Variants in RBMS1 observed in about 807,000 individuals in gnomAD.
The protein encoded by RBMS1 is RNA binding motif single stranded interacting protein 1.
Under a neutral mutation model 62.3 loss-of-function variants are expected in RBMS1, and 17 were observed. That is an observed-to-expected ratio of 0.27 (90% CI 0.19 to 0.41). The LOEUF is 0.41. RBMS1 is among the 10% of genes least tolerant of loss of function. The probability of loss-of-function intolerance (pLI) is 1.00; values close to 1 mark genes in which losing one functional copy is unlikely to be tolerated. For missense variants in RBMS1, 334 were observed against 504.5 expected, an observed-to-expected ratio of 0.66 and a Z score of 3.24; for synonymous variants, 172 against 170.0, an observed-to-expected ratio of 1.01 and a Z score of -0.09.
chr2:160,321,670 C>T (rs1690568514), intron 2 of RBMS1, among the ~76,000 whole-genome samples: 1 of 152,166 alleles, frequency 6.6e-6, no homozygotes, highest in Non-Finnish European at 1.5e-5. Flanking sequence ...CCCTGTCTCT[C>T]TCCATATCTC....
At chr2:160,481,883 T>G (rs1278714237) in intron 1 of RBMS1, among the ~76,000 whole-genome samples, 1 of 152,172 alleles carries the variant, frequency 6.6e-6, no homozygotes, top group Non-Finnish European at 1.5e-5. Flanking sequence ...GCAATTAGAT[T>G]TCTCATGCCT....
chr2:160,407,797 T>C (rs1446095029), intron 1 of RBMS1: 24 of 981,082 alleles, frequency 2.4e-5, no homozygotes, highest in Non-Finnish European at 2.9e-5. Flanking sequence ...CTGCGTGCCA[T>C]GGACGGGAGT....
chr2:160,395,859 C>CA (rs1191083464), intron 1 of RBMS1, among the ~76,000 whole-genome samples: 1 of 152,148 alleles, frequency 6.6e-6, no homozygotes, highest in African/African-American at 2.4e-5. Context: ...AGAATGATCA[C>CA]AATTTTCTTC....
At chr2:160,464,061 C>G (rs1318518240) in intron 1 of RBMS1, among the ~76,000 whole-genome samples, 2 of 152,160 alleles carry the variant, frequency 1.3e-5, no homozygotes, top group African/African-American at 4.8e-5. Flanking sequence ...GCAAAGTGCT[C>G]TCCTATATGC....
At chr2:160,290,448 A>G (rs1688622074) in intron 6 of RBMS1, among the ~76,000 whole-genome samples, 1 of 152,164 alleles carries the variant, frequency 6.6e-6, no homozygotes, top group African/African-American at 2.4e-5. Context: ...AGCAGTGATT[A>G]CAAATAATTC....
At chr2:160,455,028 C>T (rs1473165919) in intron 1 of RBMS1, among the ~76,000 whole-genome samples, 3 of 152,136 alleles carry the variant, frequency 2.0e-5, no homozygotes, top group East Asian at 1.9e-4. Context: ...TTCTCTGAAT[C>T]GTATACTTCA....
At chr2:160,339,740 G>A (rs564670843) in intron 2 of RBMS1, among the ~76,000 whole-genome samples, 3 of 151,956 alleles carry the variant, frequency 2.0e-5, no homozygotes, top group Admixed American at 6.6e-5. Flanking sequence ...ATACATACAC[G>A]TATATATAAA....
intron 1 of RBMS1, among the ~76,000 whole-genome samples, chr2:160,479,635 C>A (rs1055726702): frequency 6.6e-6 from 1 of 152,186 alleles, no homozygotes; most frequent in African/African-American, 2.4e-5. Flanking sequence ...CCAGACCCTC[C>A]CCAGCTCTGG....
intron 2 of RBMS1, among the ~76,000 whole-genome samples, chr2:160,353,905 C>A (rs1178991702): frequency 6.6e-6 from 1 of 151,974 alleles, no homozygotes; most frequent in Non-Finnish European, 1.5e-5. Context: ...CCACTTAGTC[C>A]CTACAAGAAC....
intron 1 of RBMS1, among the ~76,000 whole-genome samples, chr2:160,389,099 G>A (rs767496621): frequency 3.3e-5 from 5 of 152,190 alleles, no homozygotes; most frequent in Non-Finnish European, 4.4e-5. Context: ...ACCTCTAGGC[G>A]CATCCCTGAC....
chr2:160,283,170 C>T (rs1467778286), intron 9 of RBMS1: 2 of 152,152 alleles, frequency 1.3e-5, no homozygotes, highest in African/African-American at 4.8e-5. Context: ...TCTATAGCAA[C>T]ATAAATTCAA....
chr2:160,325,502 C>T (rs1018831911), intron 2 of RBMS1, among the ~76,000 whole-genome samples: 3 of 152,148 alleles, frequency 2.0e-5, no homozygotes, highest in Admixed American at 1.3e-4. Context: ...AGAAAAAATA[C>T]AATACACGTC....
intron 1 of RBMS1, chr2:160,493,008 C>T (rs1421458675): frequency 3.1e-5 from 12 of 382,342 alleles, no homozygotes; most frequent in Non-Finnish European, 5.1e-5. Flanking sequence ...ACCCCACGAC[C>T]CTCCCCGCTG....
chr2:160,363,277 T>C (rs1173639305), intron 2 of RBMS1, among the ~76,000 whole-genome samples: 2 of 152,226 alleles, frequency 1.3e-5, no homozygotes, highest in Admixed American at 1.3e-4. Context: ...GTTAGCATCA[T>C]GTACTGTCAC....
intron 1 of RBMS1, among the ~76,000 whole-genome samples, chr2:160,414,304 T>G (rs1376089177): frequency 6.6e-6 from 1 of 152,112 alleles, no homozygotes; most frequent in African/African-American, 2.4e-5. Context: ...AGTTTTTTTG[T>G]TTTTTTGTTT....
intron 1 of RBMS1, among the ~76,000 whole-genome samples, chr2:160,428,259 G>A (rs1223612378): frequency 6.6e-6 from 1 of 152,002 alleles, no homozygotes; most frequent in Non-Finnish European, 1.5e-5. Context: ...AAAAACGTGG[G>A]GTGGCCTCAG....
intron 2 of RBMS1, among the ~76,000 whole-genome samples, chr2:160,356,037 A>G (rs1258029911): frequency 6.6e-6 from 1 of 152,128 alleles, no homozygotes; most frequent in Non-Finnish European, 1.5e-5. Context: ...TAATGTTCTT[A>G]TATGCCCATT....
chr2:160,478,747 T>A (rs1020172062), intron 1 of RBMS1, among the ~76,000 whole-genome samples: 1 of 152,194 alleles, frequency 6.6e-6, no homozygotes, highest in African/African-American at 2.4e-5. Context: ...AATGAGTATA[T>A]GATCCAAACA....
intron 1 of RBMS1, among the ~76,000 whole-genome samples, chr2:160,440,088 G>T (rs1485796115): frequency 1.6e-5 from 2 of 127,150 alleles, no homozygotes; most frequent in Non-Finnish European, 3.5e-5. Flanking sequence ...AGAGGGGAGA[G>T]GGGAGAGGGG....
Sources: allele counts gnomAD v4.1 joint callset (sites outside exome capture counted in the v4.1 genomes callset), GRCh38; gene constraint gnomAD v4.1.1; transcripts MANE v1.5; gene names NCBI Gene and HGNC (gene_info 2026-07-23, HGNC 2026-07-21).